CSMD1: variants seen among roughly 807,000 people sequenced by gnomAD.
CSMD1 encodes the protein CUB and sushi domain-containing protein 1.
Under a neutral mutation model 417.5 loss-of-function variants are expected in CSMD1, and 213 were observed. That is an observed-to-expected ratio of 0.51 (90% CI 0.46 to 0.57). The LOEUF (loss-of-function observed/expected upper bound fraction) is 0.57, where lower values mean the gene tolerates loss of function less well. Ranked by LOEUF, CSMD1 falls within the 20% of genes least tolerant of loss-of-function variation. The pLI, the probability that CSMD1 is intolerant of heterozygous loss-of-function variation, is 0.00. For synonymous variants in CSMD1, 2,862 were observed against 1,736.8 expected, an observed-to-expected ratio of 1.65 and a Z score of -16.11; for missense variants, 6,923 against 4,529.7, an observed-to-expected ratio of 1.53 and a Z score of -15.17.
At chr8:4,885,599 C>T (rs1406672774) in intron 1 of CSMD1, among the ~76,000 whole-genome samples, 4 of 151,766 alleles carry the variant, frequency 2.6e-5, no homozygotes, top group Non-Finnish European at 5.9e-5. Flanking sequence ...TGGCTTTTGT[C>T]CTTTATCCTG....
chr8:3,666,937 G>C (rs924637333), intron 7 of CSMD1, among the ~76,000 whole-genome samples: 3 of 152,182 alleles, frequency 2.0e-5, no homozygotes, highest in Admixed American at 6.5e-5. Context: ...CCAGGTGTAA[G>C]AGATAGAGAA....
chr8:3,795,068 ATC>A lies in CSMD1; in HGVS notation c.819-41028_819-41027del, dbSNP rs1491296100. 5.3e-5 allele frequency among the ~76,000 whole-genome samples: 8 copies of A among 150,068 alleles called. 1 individual carries two copies. The South Asian group carries it at 6.4e-4, about 12-fold the overall frequency. ...CTATCATGTATAGCTATAGATATAT[ATC>A]TATCATGTACAGCTATAGATATATA... On this transcript the variant is annotated intron_variant, in intron 5 of 69. Coordinates refer to ENST00000635120, the MANE Select transcript of CSMD1 (RefSeq NM_033225.6).
At chr8:3,492,930 G>A (rs981118899) in intron 11 of CSMD1, among the ~76,000 whole-genome samples, 1 of 152,070 alleles carries the variant, frequency 6.6e-6, no homozygotes, top group African/African-American at 2.4e-5. Context: ...TCCCAGACTA[G>A]AAAGCATCTG....
rs562636521 is a variant in CSMD1, at chr8:4,034,910, A to G, written c.416-2811T>C. Among the ~76,000 whole-genome samples, 7 of 152,324 alleles carry G rather than the reference A, an allele frequency of 4.6e-5. No individual in the cohort carries two copies. The East Asian group carries it at 1.2e-3, about 25-fold the overall frequency. The stretch of plus-strand genomic sequence containing the variant: ...AAATCTGCTAAAGATAACCACAATG[A>G]CCAGTCATTGTCACACACGGAAAAT... On this transcript the variant is annotated intron_variant, in intron 3 of 69. Coordinates refer to ENST00000635120, the MANE Select transcript of CSMD1 (RefSeq NM_033225.6).
chr8:3,242,379 G>T (rs1799595922), intron 26 of CSMD1, among the ~76,000 whole-genome samples: 1 of 151,866 alleles, frequency 6.6e-6, no homozygotes, highest in Non-Finnish European at 1.5e-5. Flanking sequence ...GGACAGGTAG[G>T]AGGGAAAGAA....
At chr8:4,321,740 G>A (rs186182044) in intron 3 of CSMD1, among the ~76,000 whole-genome samples, 3 of 152,052 alleles carry the variant, frequency 2.0e-5, no homozygotes, top group African/African-American at 7.2e-5. Context: ...ATTACTATAC[G>A]ATTAAGAGTA....
chr8:3,448,162 G>A (rs1815418951), intron 12 of CSMD1, among the ~76,000 whole-genome samples: 1 of 150,664 alleles, frequency 6.6e-6, no homozygotes, highest in Non-Finnish European at 1.5e-5. Flanking sequence ...AGCCTGAATT[G>A]GGGGAGTAGA....
chr8:4,211,107 C>A (rs946979508), intron 3 of CSMD1, among the ~76,000 whole-genome samples: 1 of 152,028 alleles, frequency 6.6e-6, no homozygotes, highest in African/African-American at 2.4e-5. Context: ...TGGGAATTTT[C>A]TTGCTGTTAT....
intron 5 of CSMD1, among the ~76,000 whole-genome samples, chr8:3,959,394 G>C (rs1475909628): frequency 3.3e-5 from 5 of 152,208 alleles, no homozygotes; most frequent in African/African-American, 1.2e-4. Context: ...AGCTACTCAA[G>C]AGGCTGAAGT....
At position 4,419,989 on chromosome 8, in the gene CSMD1, C is replaced by G; in HGVS notation, c.379G>C (p.Ala127Pro). 6.3e-7 allele frequency: 1 copy of G among 1,588,328 alleles called. No homozygotes were observed. The highest frequency in any genetic ancestry group is 8.6e-7 in the Non-Finnish European group (1 of 1,166,314). ...ILTLWFTTDFAVSAQGFKALY... is the reference protein window; with the variant it reads ...ILTLWFTTDFPVSAQGFKALY... Reference sequence around the variant, plus strand: ...GCTTTGAAACCTTGGGCACTCACAGCGAAGTCTGTCGTGAACCACAGAGTG... The same window carrying G: ...GCTTTGAAACCTTGGGCACTCACAGGGAAGTCTGTCGTGAACCACAGAGTG... The change falls in exon 3 of 70, where the codon GCT becomes CCT. Residue 127 changes from alanine to proline, a missense_variant. Transcript: ENST00000635120.
intron 2 of CSMD1, among the ~76,000 whole-genome samples, chr8:4,559,166 T>G (rs866579259): frequency 1.3e-5 from 2 of 152,198 alleles, no homozygotes; most frequent in South Asian, 4.1e-4. Context: ...GGTCTTTGTA[T>G]TATTGTCAAC....
intron 5 of CSMD1, among the ~76,000 whole-genome samples, chr8:3,976,797 T>C (rs776233927): frequency 3.3e-5 from 5 of 152,188 alleles, no homozygotes; most frequent in Admixed American, 6.5e-5. Context: ...CTGCTCAAGG[T>C]CGCATGCCTG....
At chr8:4,992,544 G>A (rs1240526929) in intron 1 of CSMD1, among the ~76,000 whole-genome samples, 3 of 152,282 alleles carry the variant, frequency 2.0e-5, no homozygotes, top group Non-Finnish European at 2.9e-5. Flanking sequence ...CAGGGGCTCG[G>A]CTGGAAAAAG....
At chr8:4,122,723 C>A (rs1168408561) in intron 3 of CSMD1, among the ~76,000 whole-genome samples, 1 of 152,078 alleles carries the variant, frequency 6.6e-6, no homozygotes. Flanking sequence ...AGGATTTTTT[C>A]CTAGAAGTAA....
chr8:4,360,211 A>AG (rs1031395807), intron 3 of CSMD1, among the ~76,000 whole-genome samples: 5 of 152,106 alleles, frequency 3.3e-5, no homozygotes, highest in Non-Finnish European at 7.4e-5. Context: ...TCACCATTTT[A>AG]GGGGGTAACC....
intron 3 of CSMD1, among the ~76,000 whole-genome samples, chr8:4,161,596 C>A (rs1181548298): frequency 6.6e-6 from 1 of 152,122 alleles, no homozygotes; most frequent in Non-Finnish European, 1.5e-5. Flanking sequence ...ACATTTTGAT[C>A]TATACCTGTT....
rs1163046393 is a variant in CSMD1 at position 3,586,168 on chromosome 8, G to T, written c.1190C>A (p.Ala397Asp). 6.2e-7 allele frequency: 1 copy of T among 1,612,856 alleles called. No individual in the cohort carries two copies. The highest frequency in any genetic ancestry group is 8.5e-7 in the Non-Finnish European group (1 of 1,179,454). Residue 397 changes from alanine (A) to aspartate (D), a missense_variant, in exon 9 of 70, where the codon GCT becomes GAT. By Grantham distance (126) the Ala-to-Asp change is moderately radical. Transcript: ENST00000635120. ...GATGGGCCTGTGGTCACTCCAAGCAGCGAGCGTCTCTGTAACTCTCTGACA... is the reference window on the plus strand; with the variant it reads ...GATGGGCCTGTGGTCACTCCAAGCATCGAGCGTCTCTGTAACTCTCTGACA... The part of the protein sequence containing the change: ...ITCQRVTETL[A>D]AWSDHRPICR...
At chr8:4,037,567 C>G (rs1211588200) in intron 3 of CSMD1, among the ~76,000 whole-genome samples, 1 of 151,852 alleles carries the variant, frequency 6.6e-6, no homozygotes, top group Non-Finnish European at 1.5e-5. Context: ...TGCAAGGTGC[C>G]GTTTTTCAAC....
chr8:4,251,467 G>GTGTTGTAGGAGCAT (rs1460614833), intron 3 of CSMD1, among the ~76,000 whole-genome samples: 1 of 152,158 alleles, frequency 6.6e-6, no homozygotes, highest in Non-Finnish European at 1.5e-5. Flanking sequence ...ACACCATGCA[G>GTGTTGTAGGAGCAT]TGTTGTAGGA....
Sources: allele counts gnomAD v4.1 joint callset (sites outside exome capture counted in the v4.1 genomes callset), GRCh38; gene constraint gnomAD v4.1.1; transcripts MANE v1.5; gene names NCBI Gene and HGNC (gene_info 2026-07-23, HGNC 2026-07-21).